Variants in FAM107A observed in about 807,000 individuals in gnomAD.
FAM107A encodes family with sequence similarity 107 member A, also known as actin-associated protein FAM107A.
FAM107A carries 19 observed loss-of-function variants against 13.7 expected under a neutral mutation model. That is an observed-to-expected ratio of 1.38 (90% CI 0.97 to 2.03). FAM107A has a LOEUF of 2.03. Among genes scored for constraint, FAM107A ranks in the 30% most tolerant of loss-of-function variants. The pLI is 0.00. For synonymous variants in FAM107A, 82 were observed against 74.5 expected (o/e 1.10, Z -0.52); for missense variants, 203 against 184.4 (o/e 1.10, Z -0.58).
At position 58,613,816 on chromosome 3, in the gene FAM107A, C is replaced by A. The variant is rs1427770627; in HGVS notation, c.-70+13600G>T. ...CCCTGGGATGGTGGAGACTGATGGG[C>A]AGGAGGCAGAAGGCGGAAGTCCAGC... On this transcript the variant is annotated intron_variant, in intron 1 of 3. Coordinates refer to the FAM107A transcript ENST00000465970. This position sits in a 1 kb window ranked among gnomAD's most constrained non-coding sequence, Gnocchi z 4.6. Among the ~76,000 whole-genome samples, 2 of 152,180 alleles carry A rather than the reference C, an allele frequency of 1.3e-5. No individual in the cohort carries two copies. Among genetic ancestry groups the A allele is most frequent in the Non-Finnish European group, 2.9e-5 (2 of 68,024 alleles).
At chr3:58,591,693 C>T (rs778382806), upstream of FAM107A, among the ~76,000 whole-genome samples, 8 of 152,194 alleles carry the variant, frequency 5.3e-5, no homozygotes, top group Non-Finnish European at 8.8e-5. This position sits in a 1 kb window ranked among gnomAD's most constrained non-coding sequence, Gnocchi z 4.3. Context: ...CCCTCAACCA[C>T]GTGCTCCCGT....
chr3:58,608,054 A>T (rs140534862), intron 1 of FAM107A: 113 of 152,294 alleles, frequency 7.4e-4, no homozygotes, highest in African/African-American at 2.5e-3. Context: ...AAACCAACAG[A>T]CTTTGAAGAA....
rs546402101 is a variant in FAM107A at position 58,606,121 on chromosome 3, A to C, written c.-69-16852T>G. On this transcript the variant is annotated intron_variant, in intron 1 of 3. Transcript: ENST00000465970. ...TTTTTTGTTTGTTTGTTTGAGATGG[A>C]GTCTCACTCTGTCACCCAGGCTAGA... 1.6e-4 allele frequency among the ~76,000 whole-genome samples: 25 copies of C among 152,190 alleles called. No homozygotes were observed. The South Asian group carries it at 5.0e-3, about 30-fold the overall frequency.
At chr3:58,616,225 G>A (rs527897620) in intron 1 of FAM107A, among the ~76,000 whole-genome samples, 1 of 152,294 alleles carries the variant, frequency 6.6e-6, no homozygotes, top group South Asian at 2.1e-4. Flanking sequence ...CTGGACAGGA[G>A]CTACATTGGA....
chr3:58,599,696 A>ATT lies in FAM107A; in HGVS notation c.-69-10429_-69-10428dup, dbSNP rs57244654. Among the ~76,000 whole-genome samples, 158 of 78,568 alleles carry ATT rather than the reference A, an allele frequency of 2.0e-3. 33 individuals carry two copies. The highest frequency in any genetic ancestry group is 2.5e-3 in the Non-Finnish European group (93 of 37,396). The allele number at this position is 78,568 out of a possible 152,430, so 51.5% of individuals were successfully genotyped here. A position where few individuals can be genotyped will look rare whatever the true frequency, so the allele number is the denominator to read the frequency against. ...GTGGTATACTTAAAACAAGTGCACCATTTTTTTTTTTTTTTTTTTTTTTTT... is the reference window on the plus strand; with the variant it reads ...GTGGTATACTTAAAACAAGTGCACCATTTTTTTTTTTTTTTTTTTTTTTTTTT... On this transcript the variant is annotated intron_variant, in intron 1 of 3. Transcript: ENST00000465970.
intron 1 of FAM107A, among the ~76,000 whole-genome samples, chr3:58,602,983 C>T (rs974894871): frequency 2.0e-5 from 3 of 152,010 alleles, no homozygotes; most frequent in African/African-American, 7.3e-5. Context: ...CCAAAATGTC[C>T]CCAGTGATTA....
chr3:58,627,085 G>A, intron 1 of FAM107A: 4 of 1,296,274 alleles, frequency 3.1e-6, no homozygotes, highest in Non-Finnish European at 3.2e-6. Flanking sequence ...AGGACCCAAG[G>A]GGCTCCCGGG....
Position 58,625,038 on chromosome 3 carries a change from G to A in FAM107A, c.-70+2378C>T, listed in dbSNP as rs188919305. On this transcript the variant is annotated intron_variant, in intron 1 of 3. Coordinates refer to the FAM107A transcript ENST00000465970. Reference sequence around the variant, plus strand: ...TGTGGACAGAGCTATGGACCAGGAAGGGTGGGATGGGCTGGGTTGTTTGGA... The same window carrying A: ...TGTGGACAGAGCTATGGACCAGGAAAGGTGGGATGGGCTGGGTTGTTTGGA... Among the ~76,000 whole-genome samples, 604 of 152,186 alleles carry A rather than the reference G, an allele frequency of 4.0e-3. 4 individuals carry two copies. The highest frequency in any genetic ancestry group is 0.027 in the Middle Eastern group (8 of 294).
chr3:58,569,809 G>C lies in FAM107A; in HGVS notation c.52C>G (p.Arg18Gly). Residue 18 changes from arginine (R) to glycine (G), a missense_variant, in exon 2 of 4, where the codon CGG becomes GGG. Arg to Gly is a moderately radical substitution (Grantham distance 125). Coordinates refer to ENST00000360997, the MANE Select transcript of FAM107A (RefSeq NM_001076778.3). This position sits in a 1 kb window ranked among gnomAD's most constrained non-coding sequence, Gnocchi z 5.7. ...ERADIGGLMA[R>G]PEYREWNPEL... is the part of the protein sequence containing the mutation. The stretch of plus-strand genomic sequence containing the variant: ...GGATTCCACTCTCTGTATTCTGGCC[G>C]GGCCATCAGGCCCCCAATGTCTGCC... 1 of 1,614,070 alleles carries C rather than the reference G, an allele frequency of 6.2e-7. No individual in the cohort carries two copies. The highest frequency in any genetic ancestry group is 8.5e-7 in the Non-Finnish European group (1 of 1,179,998).
At chr3:58,585,529 G>A (rs1301191302) in intron 1 of FAM107A, among the ~76,000 whole-genome samples, 1 of 152,240 alleles carries the variant, frequency 6.6e-6, no homozygotes, top group African/African-American at 2.4e-5. Flanking sequence ...AGAGCGGGCC[G>A]CGCGGGGCGC....
intron 1 of FAM107A, among the ~76,000 whole-genome samples, chr3:58,586,005 A>T (rs902067560): frequency 1.3e-5 from 2 of 152,244 alleles, no homozygotes; most frequent in Admixed American, 6.5e-5. Flanking sequence ...TTAAGAAATG[A>T]AACCACCCAG....
At chr3:58,611,526 C>T (rs2065854017) in intron 1 of FAM107A, among the ~76,000 whole-genome samples, 1 of 152,228 alleles carries the variant, frequency 6.6e-6, no homozygotes, top group Non-Finnish European at 1.5e-5. Context: ...GATGGAAACT[C>T]AGCCCAGGGA....
intron 1 of FAM107A, among the ~76,000 whole-genome samples, chr3:58,598,262 T>C (rs762002953): frequency 7.2e-5 from 11 of 152,224 alleles, no homozygotes; most frequent in Non-Finnish European, 1.3e-4. Context: ...GGGCTCTGTT[T>C]GGAGCAGGCG....
chr3:58,575,077 C>T lies in FAM107A; in HGVS notation c.-6+2232G>A, dbSNP rs201637884. On this transcript the variant is annotated intron_variant, in intron 1 of 3. Transcript: ENST00000360997. ...CCAGGCTGTCTAAGGCCTCAGTGTC[C>T]CTTCCACTTGCCTCTCCACTGTTCT... Among the ~76,000 whole-genome samples the T allele has an allele frequency of 6.6e-5, 10 of 152,284 alleles. No individual in the cohort carries two copies. The East Asian group carries it at 1.2e-3, about 18-fold the overall frequency.
chr3:58,615,137 T>C (rs997641694), intron 1 of FAM107A, among the ~76,000 whole-genome samples: 1 of 152,252 alleles, frequency 6.6e-6, no homozygotes, highest in Non-Finnish European at 1.5e-5. Context: ...CAACAATATT[T>C]TCTAGATGTT....
At chr3:58,580,530 T>G (rs1214990573), upstream of FAM107A, among the ~76,000 whole-genome samples, 1 of 149,050 alleles carries the variant, frequency 6.7e-6, no homozygotes, top group African/African-American at 2.5e-5. Context: ...GCCTCCCACC[T>G]CAGTCTCCCA....
At chr3:58,625,614 C>A (rs2066006645) in intron 1 of FAM107A, among the ~76,000 whole-genome samples, 1 of 152,134 alleles carries the variant, frequency 6.6e-6, no homozygotes, top group African/African-American at 2.4e-5. Context: ...TATTCATGAC[C>A]CCTCCCACAG....
At chr3:58,587,225 CA>C (rs2065617471), upstream of FAM107A, 2 of 722,702 alleles carry the variant, frequency 2.8e-6, no homozygotes. Context: ...AAGGCGAGAA[CA>C]CAGTGTCCTG....
chr3:58,589,305 C>T (rs1315739587), upstream of FAM107A: 1 of 1,423,730 alleles, frequency 7.0e-7, no homozygotes. Flanking sequence ...AGTTGAGGAC[C>T]CTTGGTTCTT....
Sources: gnomAD v4.1 joint callset for allele counts (sites outside exome capture counted in the v4.1 genomes callset) on GRCh38, gnomAD v4.1.1 for gene constraint, Gnocchi (gnomAD v3.1) non-coding constraint, MANE v1.5 for transcripts, NCBI Gene and HGNC (gene_info 2026-07-23, HGNC 2026-07-21) for gene names.